The following ZNF469 variants were observed in gnomAD, a reference collection of about 807,000 sequenced individuals.
ZNF469 encodes zinc finger protein 469.
ZNF469 carries 1 observed loss-of-function variant against 1.0 expected under a neutral mutation model. That is an observed-to-expected ratio of 1.00 (90% CI 0.35 to 4.73). The LOEUF (loss-of-function observed/expected upper bound fraction) is 4.73, where lower values mean the gene tolerates loss of function less well. Ranked by LOEUF, ZNF469 falls within the 30% of genes most tolerant of loss-of-function variation. The probability of loss-of-function intolerance (pLI) is 0.16; values close to 1 mark genes in which losing one functional copy is unlikely to be tolerated. For synonymous variants in ZNF469, 2,703 were observed against 2,363.4 expected, an observed-to-expected ratio of 1.14 and a Z score of -4.17; for missense variants, 6,100 against 5,356.3, an observed-to-expected ratio of 1.14 and a Z score of -4.33.
the ZNF469 span, among the ~76,000 whole-genome samples, chr16:88,367,065 C>T: frequency 2.6e-5 from 4 of 152,248 alleles, no homozygotes; most frequent in African/African-American, 9.6e-5. Flanking sequence ...ATCATCTTCA[C>T]TTGAGGGCAA....
chr16:88,255,281 G>GA, the ZNF469 span, among the ~76,000 whole-genome samples: 4 of 152,164 alleles, frequency 2.6e-5, no homozygotes, highest in Non-Finnish European at 5.9e-5. Context: ...CAAACACTTA[G>GA]AATATAGTGC....
At chr16:88,199,068 C>A in the ZNF469 span, among the ~76,000 whole-genome samples, 1 of 152,178 alleles carries the variant, frequency 6.6e-6, no homozygotes, top group African/African-American at 2.4e-5. Flanking sequence ...GACCCTCCCC[C>A]AAATGCCACC....
chr16:88,284,620 A>AG, the ZNF469 span, among the ~76,000 whole-genome samples: 3 of 151,312 alleles, frequency 2.0e-5, no homozygotes, highest in African/African-American at 7.3e-5. Flanking sequence ...CAAAAAAAAA[A>AG]AAAAAAAAAA....
chr16:88,334,459 C>T, the ZNF469 span, among the ~76,000 whole-genome samples: 2 of 152,168 alleles, frequency 1.3e-5, no homozygotes, highest in Non-Finnish European at 2.9e-5. Context: ...GGAGCATTTC[C>T]CAAGAGCATC....
the ZNF469 span, among the ~76,000 whole-genome samples, chr16:88,150,537 C>T: frequency 5.3e-5 from 8 of 152,290 alleles, no homozygotes; most frequent in South Asian, 1.7e-3. Context: ...TGGCAAATAG[C>T]TGCTCCCCCT....
At chr16:88,208,156 G>A in the ZNF469 span, among the ~76,000 whole-genome samples, 1 of 151,818 alleles carries the variant, frequency 6.6e-6, no homozygotes, top group African/African-American at 2.4e-5. Context: ...TGTGTTTGAT[G>A]CCCACATTGT....
the ZNF469 span, among the ~76,000 whole-genome samples, chr16:88,296,608 A>G: frequency 6.6e-6 from 1 of 151,858 alleles, no homozygotes; most frequent in African/African-American, 2.4e-5. Context: ...ACACTCACAG[A>G]CATGCTCACA....
At chr16:88,345,999 C>T in the ZNF469 span, among the ~76,000 whole-genome samples, 2 of 152,288 alleles carry the variant, frequency 1.3e-5, no homozygotes, top group Non-Finnish European at 2.9e-5. Flanking sequence ...TTATTCTTGG[C>T]GGGGGCAGGA....
At chr16:88,240,885 C>T in the ZNF469 span, among the ~76,000 whole-genome samples, 1 of 152,170 alleles carries the variant, frequency 6.6e-6, no homozygotes, top group Non-Finnish European at 1.5e-5. Flanking sequence ...GCCTGCACCG[C>T]CAGCCCTCTC....
the ZNF469 span, among the ~76,000 whole-genome samples, chr16:88,354,125 G>A: frequency 6.6e-6 from 1 of 152,222 alleles, no homozygotes; most frequent in African/African-American, 2.4e-5. Context: ...AATGCCTGTG[G>A]ACTCAGTGGC....
chr16:88,403,450 C>T (rs1317169375), intron 1 of ZNF469, among the ~76,000 whole-genome samples: 1 of 152,170 alleles, frequency 6.6e-6, no homozygotes, highest in East Asian at 1.9e-4. Context: ...CTCCCAGGCA[C>T]CACAGAGCTC....
chr16:88,349,427 G>A, the ZNF469 span, among the ~76,000 whole-genome samples: 1 of 137,984 alleles, frequency 7.2e-6, no homozygotes, highest in Admixed American at 7.2e-5. Flanking sequence ...ACACCCAAGT[G>A]CACACACCAG....
At chr16:88,349,154 A>T in the ZNF469 span, among the ~76,000 whole-genome samples, 1 of 152,084 alleles carries the variant, frequency 6.6e-6, no homozygotes, top group Non-Finnish European at 1.5e-5. Context: ...GTCCCCCCTC[A>T]CCAGCACCTC....
At position 88,434,610 on chromosome 16, in the gene ZNF469, A is replaced by G. The variant is rs1396219207; in HGVS notation, c.7140A>G (p.Pro2380=). The change falls in exon 3 of 3, where the codon CCA becomes CCG. Residue 2380 remains proline, a synonymous_variant. Coordinates refer to ENST00000565624, the MANE Select transcript of ZNF469 (RefSeq NM_001367624.2). ...MGTSSKEPED[P]GTPETGRSGA... is the part of the protein sequence containing the mutation. ...CCAGCAGCAAGGAGCCGGAGGACCC[A>G]GGGACCCCTGAGACCGGGCGCTCTG... 5 of 1,550,298 alleles carry G rather than the reference A, an allele frequency of 3.2e-6. No individual in the cohort carries two copies. The highest frequency in any genetic ancestry group is 1.7e-4 in the Middle Eastern group (1 of 5,986).
chr16:88,276,916 C>G, the ZNF469 span, among the ~76,000 whole-genome samples: 1 of 150,802 alleles, frequency 6.6e-6, no homozygotes, highest in Admixed American at 6.6e-5. Flanking sequence ...CTGTGCCACA[C>G]TTATGCTCAG....
chr16:88,364,921 C>T, the ZNF469 span, among the ~76,000 whole-genome samples: 5 of 152,226 alleles, frequency 3.3e-5, no homozygotes, highest in Middle Eastern at 3.4e-3. Flanking sequence ...GCCAAGATCA[C>T]GCCACTGCAC....
At chr16:88,127,069 C>T in the ZNF469 span, among the ~76,000 whole-genome samples, 15 of 152,130 alleles carry the variant, frequency 9.9e-5, no homozygotes, top group Non-Finnish European at 1.6e-4. Flanking sequence ...GTGATCCGTC[C>T]GCCTCGGCCT....
At chr16:88,357,697 G>C in the ZNF469 span, among the ~76,000 whole-genome samples, 1 of 152,246 alleles carries the variant, frequency 6.6e-6, no homozygotes, top group African/African-American at 2.4e-5. Flanking sequence ...TTTTGAGGCA[G>C]CGCAGTTATT....
chr16:88,229,633 T>TCA, the ZNF469 span, among the ~76,000 whole-genome samples: 13 of 135,892 alleles, frequency 9.6e-5, no homozygotes, highest in East Asian at 2.2e-4. Flanking sequence ...CGTGTGGATG[T>TCA]CACGTGTGTG....
Sources: gnomAD v4.1 joint callset for allele counts (sites outside exome capture counted in the v4.1 genomes callset) on GRCh38, gnomAD v4.1.1 for gene constraint, MANE v1.5 for transcripts, NCBI Gene and HGNC (gene_info 2026-07-23, HGNC 2026-07-21) for gene names.